The following ULK4 variants were observed in gnomAD, a reference collection of about 807,000 sequenced individuals.
ULK4 encodes the protein unc-51 like kinase 4, also known as inactive serine/threonine-protein kinase ULK4.
In ULK4, 133 loss-of-function variants were observed where a neutral mutation model predicts 160.6. The observed-to-expected ratio is 0.83, with a 90% CI of 0.72 to 0.96. The LOEUF (loss-of-function observed/expected upper bound fraction) is 0.96. ULK4 is among the 40% of genes least tolerant of loss of function. The pLI is 0.00. For missense variants in ULK4, 1,580 were observed against 1,499.5 expected, an observed-to-expected ratio of 1.05 and a Z score of -0.89; for synonymous variants, 534 against 539.8, an observed-to-expected ratio of 0.99 and a Z score of 0.15.
intron 11 of ULK4, 30 bp from the exon 12 acceptor site, chr3:41,907,971 C>A: frequency 1.3e-6 from 2 of 1,487,122 alleles, no homozygotes; most frequent in South Asian, 2.5e-5. Flanking sequence ...TAACATTATT[C>A]AATTCCAGAC....
intron 16 of ULK4, 23 bp from the exon 17 acceptor site, chr3:41,883,975 C>CTTCT (rs1472028313): frequency 1.3e-6 from 2 of 1,561,864 alleles, no homozygotes; most frequent in Non-Finnish European, 1.8e-6. Context: ...AGAAAACAGG[C>CTTCT]TCTGAAAAGA....
intron 35 of ULK4, among the ~76,000 whole-genome samples, chr3:41,372,849 T>C (rs900724278): frequency 4.6e-5 from 7 of 152,086 alleles, no homozygotes; most frequent in African/African-American, 9.7e-5. Context: ...GACTGGCAAA[T>C]TGGATAAAGA....
chr3:41,307,247 G>A (rs1178804929), intron 35 of ULK4, among the ~76,000 whole-genome samples: 2 of 151,668 alleles, frequency 1.3e-5, no homozygotes, highest in Non-Finnish European at 2.9e-5. Context: ...GCGGCTACTC[G>A]GCCTGATTCC....
chr3:41,260,232 TGGA>T, intron 35 of ULK4: 1 of 152,332 alleles, frequency 6.6e-6, no homozygotes, highest in Non-Finnish European at 1.5e-5. Flanking sequence ...GGATGGAATC[TGGA>T]GGAGAACCTC....
rs550136203 is a variant in ULK4 at position 41,804,556 on chromosome 3, C to A, written c.1849-4263G>T. On this transcript the variant is annotated intron_variant, in intron 19 of 36. Transcript: ENST00000301831. ...GGTGTTTTAGACATGAAGTCCTTGC[C>A]CATGCCTATGTCCTGAATGGTATTG... is the stretch of plus-strand genomic sequence containing the variant. 1.0e-3 allele frequency among the ~76,000 whole-genome samples: 156 copies of A among 151,250 alleles called. 2 individuals carry two copies. The highest frequency in any genetic ancestry group is 9.6e-3 in the Admixed American group (146 of 15,152).
At chr3:41,830,637 A>G (rs572691122) in intron 18 of ULK4, among the ~76,000 whole-genome samples, 12 of 152,136 alleles carry the variant, frequency 7.9e-5, no homozygotes, top group Admixed American at 2.6e-4. Flanking sequence ...GACCAAAAAA[A>G]GAAGAATTAG....
intron 30 of ULK4, among the ~76,000 whole-genome samples, chr3:41,654,053 C>T (rs896559991): frequency 6.6e-6 from 1 of 152,208 alleles, no homozygotes; most frequent in African/African-American, 2.4e-5. Flanking sequence ...CGTAAACTCA[C>T]ATCTATGTTA....
intron 30 of ULK4, among the ~76,000 whole-genome samples, chr3:41,637,051 T>C (rs1318380584): frequency 6.6e-6 from 1 of 152,196 alleles, no homozygotes; most frequent in Admixed American, 6.5e-5. Flanking sequence ...CATTAATATA[T>C]ACATTATCTT....
chr3:41,813,935 CAG>C (rs1345795881), intron 19 of ULK4, among the ~76,000 whole-genome samples: 1 of 152,196 alleles, frequency 6.6e-6, no homozygotes, highest in Admixed American at 6.5e-5. Flanking sequence ...TTACCAGGTA[CAG>C]AGTTGCCCAG....
chr3:41,804,396 G>C (rs1260080310), intron 19 of ULK4, among the ~76,000 whole-genome samples: 3 of 152,070 alleles, frequency 2.0e-5, no homozygotes, highest in African/African-American at 2.4e-5. Context: ...TTTGTCGGAT[G>C]AGTAGGTTGC....
At chr3:41,828,833 G>A (rs2041464731) in intron 18 of ULK4, among the ~76,000 whole-genome samples, 1 of 152,066 alleles carries the variant, frequency 6.6e-6, no homozygotes, top group South Asian at 2.1e-4. Flanking sequence ...AGCCCACATT[G>A]CCAAGTCAAT....
intron 22 of ULK4, among the ~76,000 whole-genome samples, chr3:41,734,357 C>G (rs2037947190): frequency 6.6e-6 from 1 of 152,110 alleles, no homozygotes; most frequent in Non-Finnish European, 1.5e-5. Context: ...GGATCAAGTG[C>G]TACTGAATGT....
intron 29 of ULK4, among the ~76,000 whole-genome samples, chr3:41,665,935 C>T (rs1265574369): frequency 6.6e-6 from 1 of 152,154 alleles, no homozygotes; most frequent in Non-Finnish European, 1.5e-5. Flanking sequence ...ATACTCCCAA[C>T]TATGGTTTAT....
intron 16 of ULK4, 46 bp from the exon 17 acceptor site, chr3:41,883,998 C>G (rs370636454): frequency 7.4e-7 from 1 of 1,359,028 alleles, no homozygotes; most frequent in Non-Finnish European, 1.1e-6. Context: ...AGTCGGGGAC[C>G]GAGGAAACTA....
At chr3:41,709,844 G>T (rs1468001468) in intron 25 of ULK4, among the ~76,000 whole-genome samples, 1 of 152,118 alleles carries the variant, frequency 6.6e-6, no homozygotes, top group East Asian at 1.9e-4. Context: ...TTAAACACAT[G>T]TACGTAAATG....
chr3:41,404,827 A>G (rs761272465), intron 34 of ULK4, among the ~76,000 whole-genome samples: 9 of 152,224 alleles, frequency 5.9e-5, no homozygotes, highest in Non-Finnish European at 1.2e-4. Context: ...GGCCCTTGAC[A>G]GATGCCAGCT....
chr3:41,403,512 A>G (rs1036271966), intron 34 of ULK4, among the ~76,000 whole-genome samples: 13 of 151,870 alleles, frequency 8.6e-5, no homozygotes, highest in Non-Finnish European at 1.5e-4. Flanking sequence ...AGGTTTTTCA[A>G]TTGTACTGAT....
At chr3:41,719,296 C>T (rs2037373335) in intron 22 of ULK4, among the ~76,000 whole-genome samples, 1 of 152,202 alleles carries the variant, frequency 6.6e-6, no homozygotes, top group South Asian at 2.1e-4. Flanking sequence ...CAGGCTATCT[C>T]ATTCCTACCA....
intron 35 of ULK4, among the ~76,000 whole-genome samples, chr3:41,318,516 G>A (rs928057105): frequency 6.6e-6 from 1 of 152,018 alleles, no homozygotes; most frequent in Admixed American, 6.5e-5. Flanking sequence ...TAAAGATTTG[G>A]AAGAAATGCC....
Sources: gnomAD v4.1 joint callset for allele counts (sites outside exome capture counted in the v4.1 genomes callset) on GRCh38, gnomAD v4.1.1 for gene constraint, MANE v1.5 for transcripts, NCBI Gene and HGNC (gene_info 2026-07-23, HGNC 2026-07-21) for gene names.